CPA6: variants seen among roughly 807,000 people sequenced by gnomAD.
The protein encoded by CPA6 is carboxypeptidase A6, also known as carboxypeptidase B.
CPA6 carries 58 observed loss-of-function variants against 63.3 expected under a neutral mutation model. The observed-to-expected ratio is 0.92, with a 90% CI of 0.74 to 1.14. The LOEUF is 1.14. Ranked by LOEUF, CPA6 falls within the 50% of genes most tolerant of loss-of-function variation. The pLI is 0.00. For missense variants in CPA6, 565 were observed against 526.6 expected, an observed-to-expected ratio of 1.07 and a Z score of -0.71; for synonymous variants, 185 against 179.0, an observed-to-expected ratio of 1.03 and a Z score of -0.27.
chr8:67,679,799 T>C (rs1816555190), intron 1 of CPA6, among the ~76,000 whole-genome samples: 1 of 152,214 alleles, frequency 6.6e-6, no homozygotes, highest in African/African-American at 2.4e-5. Context: ...ATTTCCATAG[T>C]TCAACCTAAC....
chr8:67,659,978 T>G (rs1816072269), intron 1 of CPA6, among the ~76,000 whole-genome samples: 1 of 152,214 alleles, frequency 6.6e-6, no homozygotes, highest in South Asian at 2.1e-4. Context: ...ATTATTTCCC[T>G]CTACCGTGGA....
chr8:67,637,245 T>C (rs1815488217), intron 1 of CPA6, among the ~76,000 whole-genome samples: 1 of 151,642 alleles, frequency 6.6e-6, no homozygotes, highest in Non-Finnish European at 1.5e-5. Context: ...TCAATAAATA[T>C]TTGCTGAGTT....
At chr8:67,444,303 G>A (rs1307530692) in intron 8 of CPA6, among the ~76,000 whole-genome samples, 1 of 151,996 alleles carries the variant, frequency 6.6e-6, no homozygotes, top group Non-Finnish European at 1.5e-5. Context: ...TAGTTGTTTT[G>A]AATGAAACAT....
intron 2 of CPA6, among the ~76,000 whole-genome samples, chr8:67,536,236 G>A (rs966267956): frequency 2.6e-5 from 4 of 152,178 alleles, no homozygotes; most frequent in Admixed American, 6.5e-5. Context: ...TGTGAAGAAA[G>A]TCAACGGTAG....
chr8:67,475,831 CTTTCTTTCTTTCTTTCTTTCTTT>C (rs1811186167), intron 8 of CPA6, among the ~76,000 whole-genome samples: 2 of 50,390 alleles, frequency 4.0e-5, no homozygotes, highest in Admixed American at 2.3e-4. Context: ...TCTTTTCTTT[CTTTCTTTCTTTCTTTCTTTCTTT>C]CTTTCTTTCT....
At chr8:67,679,269 T>C (rs1312617855) in intron 1 of CPA6, among the ~76,000 whole-genome samples, 2 of 152,236 alleles carry the variant, frequency 1.3e-5, no homozygotes, top group South Asian at 4.1e-4. Flanking sequence ...TTTATATATG[T>C]TCTATCTATC....
intron 2 of CPA6, among the ~76,000 whole-genome samples, chr8:67,519,537 T>C (rs1030678078): frequency 5.3e-5 from 8 of 152,244 alleles, no homozygotes; most frequent in African/African-American, 1.9e-4. Flanking sequence ...AAACTTCTAA[T>C]GATACAATTT....
chr8:67,433,676 G>A (rs1222891273), intron 9 of CPA6, among the ~76,000 whole-genome samples: 1 of 152,156 alleles, frequency 6.6e-6, no homozygotes, highest in African/African-American at 2.4e-5. Context: ...CTTTTTCTGT[G>A]TAACCTGTGG....
At chr8:67,511,007 A>G (rs1812032712) in intron 4 of CPA6, among the ~76,000 whole-genome samples, 2 of 152,206 alleles carry the variant, frequency 1.3e-5, no homozygotes, top group South Asian at 4.1e-4. Flanking sequence ...GATTTGCAGA[A>G]CAACAACCTG....
intron 1 of CPA6, among the ~76,000 whole-genome samples, chr8:67,653,550 T>A (rs1453630377): frequency 6.6e-6 from 1 of 151,968 alleles, no homozygotes; most frequent in South Asian, 2.1e-4. Flanking sequence ...GTTTGTCTGT[T>A]ATTGGTGTAT....
intron 2 of CPA6, among the ~76,000 whole-genome samples, chr8:67,531,649 C>T (rs1489396456): frequency 6.6e-6 from 1 of 152,066 alleles, no homozygotes; most frequent in Non-Finnish European, 1.5e-5. Context: ...AATCTGAATG[C>T]ATCCAACATT....
intron 2 of CPA6, among the ~76,000 whole-genome samples, chr8:67,585,830 A>C (rs537391962): frequency 6.6e-6 from 1 of 152,160 alleles, no homozygotes; most frequent in Non-Finnish European, 1.5e-5. Flanking sequence ...CCATAGTCAC[A>C]AAGAGTTCTT....
At chr8:67,573,891 C>CAAAAAAAAAAA (rs34145304) in intron 2 of CPA6, among the ~76,000 whole-genome samples, 2 of 33,494 alleles carry the variant, frequency 6.0e-5, no homozygotes, top group African/African-American at 1.1e-4. Flanking sequence ...GACTCCGTCT[C>CAAAAAAAAAAA]AAAAAAAAAA....
intron 2 of CPA6, among the ~76,000 whole-genome samples, chr8:67,610,063 A>AC (rs1814764690): frequency 6.8e-6 from 1 of 147,782 alleles, no homozygotes; most frequent in South Asian, 2.2e-4. Flanking sequence ...ACAAAACAAA[A>AC]ACCCCCCAAA....
chr8:67,449,812 T>C (rs920712536), intron 8 of CPA6, among the ~76,000 whole-genome samples: 4 of 139,346 alleles, frequency 2.9e-5, no homozygotes, highest in South Asian at 2.2e-4. Flanking sequence ...AGCCATCTCT[T>C]TTTTTTTTTT....
chr8:67,575,842 C>CAAA (rs1220968056), intron 2 of CPA6, among the ~76,000 whole-genome samples: 1 of 77,640 alleles, frequency 1.3e-5, no homozygotes, highest in Non-Finnish European at 2.6e-5. Context: ...ACTCTGTCTC[C>CAAA]AAAAAAAAAA....
intron 2 of CPA6, among the ~76,000 whole-genome samples, chr8:67,519,802 A>G (rs892151395): frequency 1.3e-5 from 2 of 152,260 alleles, no homozygotes; most frequent in African/African-American, 4.8e-5. Context: ...TCTAAACCAC[A>G]TCTTTTAGGT....
chr8:67,506,726 AT>A, intron 6 of CPA6, 60 bp downstream of exon 6: 2 of 1,095,438 alleles, frequency 1.8e-6, no homozygotes, highest in South Asian at 2.5e-5. Context: ...GTTAAGCAGA[AT>A]AAAAACACAG....
chr8:67,673,383 TA>T (rs1816393745), intron 1 of CPA6, among the ~76,000 whole-genome samples: 1 of 106,064 alleles, frequency 9.4e-6, no homozygotes, highest in African/African-American at 5.9e-5. Flanking sequence ...TATTATTATT[TA>T]TTTATTTTTT....
Sources: allele counts gnomAD v4.1 joint callset (sites outside exome capture counted in the v4.1 genomes callset), GRCh38; gene constraint gnomAD v4.1.1; transcripts MANE v1.5; gene names NCBI Gene and HGNC (gene_info 2026-07-23, HGNC 2026-07-21).